Variants in ZNF385D observed in about 807,000 individuals in gnomAD.
ZNF385D encodes zinc finger protein 659.
ZNF385D carries 15 observed loss-of-function variants against 35.8 expected under a neutral mutation model. The ratio of observed to expected loss-of-function variants is 0.42; its 90% confidence interval spans 0.28 to 0.64. The LOEUF (loss-of-function observed/expected upper bound fraction) is 0.64. Ranked by LOEUF, ZNF385D falls within the 30% of genes least tolerant of loss-of-function variation. The pLI is 0.23. For synonymous variants in ZNF385D, 212 were observed against 186.8 expected (o/e 1.13, Z -1.10); for missense variants, 474 against 494.6 (o/e 0.96, Z 0.39).
chr3:22,364,010 T>C (rs934711906), intron 2 of ZNF385D, among the ~76,000 whole-genome samples: 13 of 152,160 alleles, frequency 8.5e-5, no homozygotes, highest in African/African-American at 2.9e-4. Flanking sequence ...AAATGAATCA[T>C]CCTTTATGGG....
intron 2 of ZNF385D, among the ~76,000 whole-genome samples, chr3:22,173,969 C>G (rs999532340): frequency 6.6e-6 from 1 of 151,984 alleles, no homozygotes; most frequent in East Asian, 1.9e-4. Context: ...TACACCTCAA[C>G]TGATTCCTTC....
chr3:22,164,032 C>T (rs947830259), intron 3 of ZNF385D, among the ~76,000 whole-genome samples: 2 of 152,042 alleles, frequency 1.3e-5, no homozygotes, highest in Admixed American at 6.6e-5. Flanking sequence ...TTTCTTATTC[C>T]CAATAAGCCT....
chr3:22,327,561 T>C (rs975173800), intron 2 of ZNF385D, among the ~76,000 whole-genome samples: 1 of 152,182 alleles, frequency 6.6e-6, no homozygotes, highest in Non-Finnish European at 1.5e-5. Context: ...AGTCCAAGGA[T>C]TTCCTGAAGA....
intron 3 of ZNF385D, among the ~76,000 whole-genome samples, chr3:22,013,770 A>G (rs988587303): frequency 1.3e-5 from 2 of 152,156 alleles, no homozygotes; most frequent in African/African-American, 4.8e-5. Context: ...GAAGCTCATC[A>G]GGGAGCATCT....
chr3:22,081,170 T>C (rs1302759810), intron 3 of ZNF385D, among the ~76,000 whole-genome samples: 1 of 152,232 alleles, frequency 6.6e-6, no homozygotes, highest in Non-Finnish European at 1.5e-5. Flanking sequence ...GTTCAATCTA[T>C]GATTTTTATT....
chr3:22,066,923 A>G (rs1328368560), intron 3 of ZNF385D, among the ~76,000 whole-genome samples: 1 of 152,222 alleles, frequency 6.6e-6, no homozygotes, highest in Non-Finnish European at 1.5e-5. Flanking sequence ...GCCTATAATC[A>G]GAAGTACCCC....
intron 3 of ZNF385D, among the ~76,000 whole-genome samples, chr3:21,852,538 T>C (rs1273601815): frequency 2.0e-5 from 3 of 151,936 alleles, no homozygotes; most frequent in East Asian, 1.9e-4. Flanking sequence ...AAATGTGTGA[T>C]TGGTAGGGAA....
chr3:21,494,280 A>T (rs907509124), intron 4 of ZNF385D, among the ~76,000 whole-genome samples: 2 of 152,162 alleles, frequency 1.3e-5, no homozygotes, highest in Admixed American at 1.3e-4. Context: ...GAAAACCACA[A>T]TAAATATGTG....
At chr3:21,816,414 T>A (rs1206166102) in intron 3 of ZNF385D, among the ~76,000 whole-genome samples, 1 of 152,188 alleles carries the variant, frequency 6.6e-6, no homozygotes, top group Admixed American at 6.5e-5. Context: ...ATGACATGAT[T>A]GTATATCTAG....
chr3:21,779,899 G>T (rs6796966), intron 3 of ZNF385D, among the ~76,000 whole-genome samples: 1 of 151,556 alleles, frequency 6.6e-6, no homozygotes, highest in South Asian at 2.1e-4. Flanking sequence ...TACTTAGTCC[G>T]AAAATTAAAT....
At chr3:21,851,795 T>C (rs1483816533) in intron 3 of ZNF385D, among the ~76,000 whole-genome samples, 3 of 151,998 alleles carry the variant, frequency 2.0e-5, no homozygotes. Context: ...TCTCTCATTT[T>C]ATCCTTCTAC....
intron 1 of ZNF385D, among the ~76,000 whole-genome samples, chr3:21,674,566 T>C (rs932372428): frequency 3.3e-5 from 5 of 152,120 alleles, no homozygotes; most frequent in African/African-American, 1.2e-4. Flanking sequence ...GTTATCTAAG[T>C]TACATTGCAC....
chr3:21,490,664 A>G (rs1386512508), intron 4 of ZNF385D, among the ~76,000 whole-genome samples: 3 of 152,144 alleles, frequency 2.0e-5, no homozygotes, highest in Non-Finnish European at 4.4e-5. Context: ...AGACAGCCCC[A>G]GCTGTGATAT....
intron 3 of ZNF385D, among the ~76,000 whole-genome samples, chr3:21,813,147 G>T (rs2073005917): frequency 6.6e-6 from 1 of 152,170 alleles, no homozygotes. Context: ...CTGTTAGAAG[G>T]AAAACTAACA....
intron 2 of ZNF385D, among the ~76,000 whole-genome samples, chr3:22,218,792 G>C (rs1193023545): frequency 7.9e-5 from 12 of 152,038 alleles, no homozygotes; most frequent in Non-Finnish European, 2.9e-5. Flanking sequence ...TTGCCTTCAA[G>C]AAGATTTTTT....
intron 1 of ZNF385D, among the ~76,000 whole-genome samples, chr3:21,669,616 T>C (rs1006704177): frequency 1.6e-4 from 24 of 152,294 alleles, no homozygotes; most frequent in Middle Eastern, 3.4e-3. Context: ...TACAGATAAA[T>C]AGGAACTCTA....
chr3:22,154,762 G>C (rs1201484019), intron 3 of ZNF385D, among the ~76,000 whole-genome samples: 5 of 152,106 alleles, frequency 3.3e-5, no homozygotes, highest in Admixed American at 1.3e-4. Flanking sequence ...CTCTGGCATT[G>C]CTCATAAGAG....
At chr3:22,032,109 T>C (rs980425287) in intron 3 of ZNF385D, among the ~76,000 whole-genome samples, 4 of 152,238 alleles carry the variant, frequency 2.6e-5, no homozygotes, top group Admixed American at 1.3e-4. Flanking sequence ...TGGGACTTCA[T>C]TGTCCCTATT....
intron 2 of ZNF385D, among the ~76,000 whole-genome samples, chr3:22,289,527 C>A (rs1575047154): frequency 6.6e-6 from 1 of 152,154 alleles, no homozygotes; most frequent in East Asian, 1.9e-4. Flanking sequence ...CAATCCTCAA[C>A]CAACAGCTGA....
Sources: allele counts gnomAD v4.1 joint callset (sites outside exome capture counted in the v4.1 genomes callset), GRCh38; gene constraint gnomAD v4.1.1; transcripts MANE v1.5; gene names NCBI Gene and HGNC (gene_info 2026-07-23, HGNC 2026-07-21).